NCAPD2: variants seen among roughly 807,000 people sequenced by gnomAD.
NCAPD2 encodes the protein condensin complex subunit 1.
Under a neutral mutation model 164.5 loss-of-function variants are expected in NCAPD2, and 100 were observed. The observed-to-expected ratio is 0.61, with a 90% CI of 0.52 to 0.72. NCAPD2 has a LOEUF of 0.72. Among genes scored for constraint, NCAPD2 ranks in the 30% least tolerant of loss-of-function variants. The pLI, the probability that NCAPD2 is intolerant of heterozygous loss-of-function variation, is 0.00. For missense variants in NCAPD2, 1,560 were observed against 1,749.2 expected, an observed-to-expected ratio of 0.89 and a Z score of 1.93; for synonymous variants, 585 against 642.6, an observed-to-expected ratio of 0.91 and a Z score of 1.36.
At chr12:6,509,619 A>G (rs1391024135) in intron 2 of NCAPD2, 98 bp from the exon 3 acceptor site, 1 of 1,095,304 alleles carries the variant, frequency 9.1e-7, no homozygotes, top group Non-Finnish European at 1.4e-6. Context: ...TTGTGATTCT[A>G]CCAATAAAAG....
intron 6 of NCAPD2, among the ~76,000 whole-genome samples, 171 bp from the exon 7 acceptor site, chr12:6,514,093 AG>A (rs1294418549): frequency 1.3e-5 from 2 of 152,172 alleles, no homozygotes; most frequent in Non-Finnish European, 2.9e-5. Context: ...TCTTGAAGGA[AG>A]GAGTACCTAA....
rs759204220 is a variant in NCAPD2 at position 6,526,622 on chromosome 12, G to A, written c.2734+7G>A. 5.0e-6 allele frequency: 8 copies of A among 1,611,784 alleles called. No homozygotes were observed. The African/African-American group carries it at 1.1e-4, about 22-fold the overall frequency. On this transcript the variant is annotated splice_region_variant and intron_variant, in intron 21 of 31. Transcript: ENST00000315579. ...ACCAGTCAGGAGGACCCGAGTAAGT[G>A]GGCAGGGGTTGACCCACTGCGGCAG...
At chr12:6,519,078 G>C (rs2137053795) in intron 13 of NCAPD2, among the ~76,000 whole-genome samples, 1 of 151,866 alleles carries the variant, frequency 6.6e-6, no homozygotes, top group East Asian at 1.9e-4. Context: ...TTTTAGTAGA[G>C]ACGGGGTTTC....
At chr12:6,518,504 G>GTTTTTGTTTTTGTTTTTTTTTTTTTT (rs746627585) in intron 13 of NCAPD2, among the ~76,000 whole-genome samples, 1 of 44,774 alleles carries the variant, frequency 2.2e-5, no homozygotes, top group African/African-American at 1.0e-4. Context: ...CCGTCAACAA[G>GTTTTTGTTTTTGTTTTTTTTTTTTTT]TTTTTTTTTT....
chr12:6,501,976 GA>G (rs1946042448), intron 2 of NCAPD2, among the ~76,000 whole-genome samples: 1 of 152,316 alleles, frequency 6.6e-6, no homozygotes, highest in African/African-American at 2.4e-5. Context: ...AGGTTTTTAA[GA>G]AAATGGAATG....
Position 6,522,902 on chromosome 12 carries a change from C to T in NCAPD2, c.2029C>T (p.Arg677Cys), listed in dbSNP as rs750628585. The T allele has an allele frequency of 5.0e-6, 8 of 1,613,910 alleles. No individual in the cohort carries two copies. The highest frequency in any genetic ancestry group is 2.2e-5 in the South Asian group (2 of 91,070). Reference sequence around the variant, plus strand: ...ACCCCAGGCCCTGTTTGGGGTGCGCCGTATGCTGCCTCTCATCTGGTCTAA... The same window carrying T: ...ACCCCAGGCCCTGTTTGGGGTGCGCTGTATGCTGCCTCTCATCTGGTCTAA... ...GVPQALFGVR[R>C]MLPLIWSKEP... Residue 677 changes from arginine to cysteine, a missense_variant, in exon 16 of 32, where the codon CGT becomes TGT. Physicochemically the swap from Arg to Cys is radical, Grantham distance 180. Transcript: ENST00000315579.
At position 6,530,637 on chromosome 12, in the gene NCAPD2, T is replaced by A. The variant is rs1946361892; in HGVS notation, c.3838-54T>A. 3 of 1,601,662 alleles carry A rather than the reference T, an allele frequency of 1.9e-6. No homozygotes were observed. In the South Asian group the frequency reaches 3.4e-5, roughly 18 times the overall value. On this transcript the variant is annotated intron_variant, in intron 29 of 31. Transcript: ENST00000315579. ...TGTCTTCCATGGCCTTGTTTCTTTTTAATCAGAAGTAACTGTTTTCAGGCC... is the reference window on the plus strand; with the variant it reads ...TGTCTTCCATGGCCTTGTTTCTTTTAAATCAGAAGTAACTGTTTTCAGGCC...
At chr12:6,501,227 A>ATTTTTT (rs71067121) in intron 2 of NCAPD2, among the ~76,000 whole-genome samples, 6 of 69,214 alleles carry the variant, frequency 8.7e-5, no homozygotes, top group Non-Finnish European at 1.5e-4. Context: ...CGCCTGGCTA[A>ATTTTTT]TTTTTTTTTT....
intron 2 of NCAPD2, among the ~76,000 whole-genome samples, chr12:6,499,116 A>G (rs1420208894): frequency 6.6e-6 from 1 of 152,188 alleles, no homozygotes; most frequent in Non-Finnish European, 1.5e-5. Context: ...CATCCCAGGC[A>G]GGAGGCGGCA....
In NCAPD2 at chr12:6,531,065, C is replaced by G; in HGVS notation, c.4109C>G (p.Ser1370Cys). Residue 1370 changes from serine to cysteine, a missense_variant, in exon 31 of 32, where the codon TCC becomes TGC. Physicochemically the swap from Ser to Cys is moderately radical, Grantham distance 112 (BLOSUM62 -1). Transcript: ENST00000315579. The surrounding 1 kb of genome is among the most constrained non-coding windows in gnomAD (Gnocchi z 4.1). The stretch of plus-strand genomic sequence containing the variant: ...AAAGTTGTCTTCTCAAGTGATGAGT[C>G]CAGTGAGGAAGGTATGATGCTCCCG... The part of the protein sequence containing the change: ...KPKVVFSSDE[S>C]SEEDLSAEMT... The G allele has an allele frequency of 1.2e-6, 2 of 1,613,544 alleles. No homozygotes were observed. The highest frequency in any genetic ancestry group is 1.7e-6 in the Non-Finnish European group (2 of 1,180,034).
chr12:6,502,948 G>A (rs11610189), intron 2 of NCAPD2, among the ~76,000 whole-genome samples: 50,276 of 149,158 alleles, frequency 0.34, 9,001 homozygotes, highest in African/African-American at 0.46. Context: ...CAGTTCAAGC[G>A]ATTCTCCTGC....
Position 6,531,069 on chromosome 12 carries a change from T to G in NCAPD2, c.4113T>G (p.Ser1371Arg). 1 of 1,613,178 alleles carries G rather than the reference T, an allele frequency of 6.2e-7. No homozygotes were observed. The highest frequency in any genetic ancestry group is 1.8e-4 in the Middle Eastern group (1 of 5,486). The change falls in exon 31 of 32, where the codon AGT (serine) becomes AGG (arginine). Residue 1371 changes from serine to arginine, a missense_variant. Coordinates refer to ENST00000315579, the MANE Select transcript of NCAPD2 (RefSeq NM_014865.4). The surrounding 1 kb of genome is among the most constrained non-coding windows in gnomAD (Gnocchi z 4.1). Reference sequence around the variant, plus strand: ...TTGTCTTCTCAAGTGATGAGTCCAGTGAGGAAGGTATGATGCTCCCGCCTG... The same window carrying G: ...TTGTCTTCTCAAGTGATGAGTCCAGGGAGGAAGGTATGATGCTCCCGCCTG... ...PKVVFSSDESSEEDLSAEMTE... is the reference protein window; with the variant it reads ...PKVVFSSDESREEDLSAEMTE...
chr12:6,507,634 G>A (rs956648211), intron 2 of NCAPD2, among the ~76,000 whole-genome samples: 1 of 152,162 alleles, frequency 6.6e-6, no homozygotes, highest in Non-Finnish European at 1.5e-5. Context: ...GAGGGGAAAA[G>A]GTGAAGGGGT....
rs1180937207 is a variant in NCAPD2, at chr12:6,529,561, G to A, written c.3621G>A (p.Val1207=). The change falls in exon 28 of 32, where the codon GTG becomes GTA. Residue 1207 remains valine (V), a synonymous_variant. Coordinates refer to ENST00000315579, the MANE Select transcript of NCAPD2 (RefSeq NM_014865.4). ...AGGACAAGCAGACAGAGAGCCTGGT[G>A]GAAAAGCTGTGTCAGCGGTTCCGCA... ...ITKDKQTESL[V]EKLCQRFRTS... 7 of 1,614,148 alleles carry A rather than the reference G, an allele frequency of 4.3e-6. No homozygotes were observed. Among genetic ancestry groups the A allele is most frequent in the East Asian group, 4.5e-5 (2 of 44,864 alleles).
In NCAPD2 at chr12:6,530,986, C is replaced by T. The variant is rs768229078; in HGVS notation, c.4030C>T (p.Arg1344Cys). The T allele has an allele frequency of 2.5e-6, 4 of 1,614,184 alleles. No individual in the cohort carries two copies. Among genetic ancestry groups the T allele is most frequent in the Non-Finnish European group, 1.7e-6 (2 of 1,180,034 alleles). ...DNDFVTPEPR[R>C]TTRRHPNTQQ... ...TGACTTTGTCACACCAGAGCCCCGCCGTACTACCCGTCGGCATCCAAACAC... is the reference window on the plus strand; with the variant it reads ...TGACTTTGTCACACCAGAGCCCCGCTGTACTACCCGTCGGCATCCAAACAC... The change falls in exon 31 of 32, where the codon CGT becomes TGT. Residue 1344 changes from arginine (R) to cysteine (C), a missense_variant. Transcript: ENST00000315579.
chr12:6,527,168 G>C (rs1052915107), intron 22 of NCAPD2, 105 bp downstream of exon 22: 1 of 1,276,370 alleles, frequency 7.8e-7, no homozygotes, highest in Non-Finnish European at 1.1e-6. Context: ...TACATGAAGC[G>C]AAGAGTTTCT....
In NCAPD2 at chr12:6,521,789, A is replaced by T; in HGVS notation, c.1715-9A>T. Reference sequence around the variant, plus strand: ...AACGAAACCATCCTGTACTTCTCTAACTCCTTAGGCCCAGCAGCTTCCACA... The same window carrying T: ...AACGAAACCATCCTGTACTTCTCTATCTCCTTAGGCCCAGCAGCTTCCACA... On this transcript the variant is annotated splice_polypyrimidine_tract_variant and intron_variant, in intron 14 of 31. Coordinates refer to ENST00000315579, the MANE Select transcript of NCAPD2 (RefSeq NM_014865.4). 6.2e-7 allele frequency: 1 copy of T among 1,613,578 alleles called. No homozygotes were observed. The highest frequency in any genetic ancestry group is 8.5e-7 in the Non-Finnish European group (1 of 1,179,732).
chr12:6,514,643 G>A (rs192648295), intron 8 of NCAPD2, 56 bp downstream of exon 8: 520 of 1,612,468 alleles, frequency 3.2e-4, no homozygotes, highest in East Asian at 4.2e-4. Flanking sequence ...AGGGAATAAA[G>A]AAAGATTGGA....
intron 2 of NCAPD2, among the ~76,000 whole-genome samples, chr12:6,497,351 A>G (rs1185162679): frequency 6.6e-6 from 1 of 151,350 alleles, no homozygotes; most frequent in Non-Finnish European, 1.5e-5. Context: ...AGTTTGTTAC[A>G]TAGGTAAACG....
Sources: allele counts gnomAD v4.1 joint callset (sites outside exome capture counted in the v4.1 genomes callset), GRCh38; gene constraint gnomAD v4.1.1; non-coding constraint Gnocchi (gnomAD v3.1); transcripts MANE v1.5; gene names NCBI Gene and HGNC (gene_info 2026-07-23, HGNC 2026-07-21).